Variants in ABL1 observed in about 807,000 individuals in gnomAD.
The protein encoded by ABL1 is ABL proto-oncogene 1, non-receptor tyrosine kinase.
A neutral mutation model predicts 94.7 loss-of-function variants in ABL1; 11 were observed. The observed-to-expected ratio is 0.12, with a 90% CI of 0.07 to 0.19. The LOEUF is 0.19. ABL1 is among the 10% of genes least tolerant of loss of function. The pLI is 1.00. For missense variants in ABL1, 1,082 were observed against 1,489.4 expected (o/e 0.73, Z 4.50); for synonymous variants, 656 against 622.4 (o/e 1.05, Z -0.80).
intron 3 of ABL1, among the ~76,000 whole-genome samples, chr9:130,861,080 TC>T (rs986852184): frequency 4.6e-4 from 70 of 152,272 alleles, no homozygotes; most frequent in African/African-American, 1.5e-3. Flanking sequence ...AGGCTTCTCT[TC>T]CGTGCTCTCA....
rs556948815 is a variant in ABL1, at chr9:130,858,443, T to G, written c.549+3347T>G. ...ATCACACTTCCCTTGGCGTCTTGCC[T>G]CCTCCCTCCCCGTCTGGCACAGACT... On this transcript the variant is annotated intron_variant, in intron 3 of 10. Coordinates refer to ENST00000318560, the MANE Select transcript of ABL1 (RefSeq NM_005157.6). Among the ~76,000 whole-genome samples the G allele has an allele frequency of 3.3e-5, 5 of 152,144 alleles. No individual in the cohort carries two copies. The East Asian group carries it at 9.7e-4, about 29-fold the overall frequency.
At chr9:130,831,856 C>A (rs1020122610), upstream of ABL1, among the ~76,000 whole-genome samples, 3 of 152,160 alleles carry the variant, frequency 2.0e-5, no homozygotes, top group African/African-American at 7.2e-5. Context: ...TGATCGCCCA[C>A]CTTAGCCTCC....
rs188516502 is a variant in ABL1, at chr9:130,804,499, G to A, written c.137-49565G>A. Among the ~76,000 whole-genome samples, 163 of 152,284 alleles carry A rather than the reference G, an allele frequency of 1.1e-3. 3 individuals carry two copies. The East Asian group carries it at 0.028, about 26-fold the overall frequency. ...CTTAGGAGGCTGAGGCAGGAGAATC[G>A]CTTGAACCCGGGAGGTGGAGGTTGC... is the stretch of plus-strand genomic sequence containing the variant. On this transcript the variant is annotated intron_variant, in intron 1 of 10. Transcript: ENST00000372348.
chr9:130,854,055 C>A lies in ABL1; in HGVS notation c.80-9C>A, dbSNP rs1311490108. ...TTTTCTTTTTTCTGTTCCCCCCTTT[C>A]TCTTCCAGAAGCCCTTCAGCGGCCA... On this transcript the variant is annotated splice_polypyrimidine_tract_variant and intron_variant, in intron 1 of 10. Coordinates refer to ENST00000318560, the MANE Select transcript of ABL1 (RefSeq NM_005157.6). 6 of 1,589,338 alleles carry A rather than the reference C, an allele frequency of 3.8e-6. No homozygotes were observed. The highest frequency in any genetic ancestry group is 4.3e-6 in the Non-Finnish European group (5 of 1,168,926).
intron 1 of ABL1, among the ~76,000 whole-genome samples, chr9:130,760,059 A>G (rs997187974): frequency 1.4e-5 from 2 of 140,204 alleles, no homozygotes; most frequent in Non-Finnish European, 3.0e-5. Flanking sequence ...CTCCCACTTC[A>G]GCCTCCTAAA....
intron 1 of ABL1, among the ~76,000 whole-genome samples, chr9:130,737,784 GC>G (rs1831763177): frequency 4.6e-5 from 7 of 151,358 alleles, no homozygotes; most frequent in Admixed American, 4.6e-4. Flanking sequence ...CCTACTGTTT[GC>G]CCCCTTTGCC....
At chr9:130,806,792 A>T (rs1176905476) in intron 1 of ABL1, among the ~76,000 whole-genome samples, 1 of 152,230 alleles carries the variant, frequency 6.6e-6, no homozygotes, top group Non-Finnish European at 1.5e-5. Context: ...TATTTTTTTA[A>T]CATAACAATA....
At chr9:130,851,281 T>G (rs565587936) in intron 1 of ABL1, among the ~76,000 whole-genome samples, 27 of 152,314 alleles carry the variant, frequency 1.8e-4, no homozygotes, top group African/African-American at 6.3e-4. Context: ...TCTTCTACAC[T>G]CTAGGAGATG....
At chr9:130,722,512 C>G (rs568788172) in intron 1 of ABL1, among the ~76,000 whole-genome samples, 2 of 152,214 alleles carry the variant, frequency 1.3e-5, no homozygotes, top group African/African-American at 4.8e-5. Context: ...ATTTTAGAGA[C>G]AGGGTCTTGC....
At chr9:130,829,279 G>A (rs180922451) in intron 1 of ABL1, among the ~76,000 whole-genome samples, 1 of 152,282 alleles carries the variant, frequency 6.6e-6, no homozygotes, top group African/African-American at 2.4e-5. Flanking sequence ...GTAGAACTGA[G>A]CCCGGGCACG....
intron 1 of ABL1, among the ~76,000 whole-genome samples, chr9:130,843,427 C>T (rs761472492): frequency 3.3e-5 from 5 of 152,136 alleles, no homozygotes; most frequent in Non-Finnish European, 7.4e-5. Context: ...GATGCCATGC[C>T]GTTGTTGCCC....
intron 1 of ABL1, among the ~76,000 whole-genome samples, chr9:130,827,163 C>T (rs951538805): frequency 4.6e-5 from 7 of 152,234 alleles, no homozygotes; most frequent in South Asian, 2.1e-4. Flanking sequence ...GGCCATTGGC[C>T]GAAAATAGTG....
At chr9:130,870,071 C>T (rs577199596) in intron 4 of ABL1, among the ~76,000 whole-genome samples, 371 of 152,304 alleles carry the variant, frequency 2.4e-3, no homozygotes, top group Non-Finnish European at 2.2e-3. Context: ...CCTTGGCCTC[C>T]CAAAGTGTTG....
intron 1 of ABL1, among the ~76,000 whole-genome samples, chr9:130,843,104 T>C (rs1830702411): frequency 6.6e-6 from 1 of 152,210 alleles, no homozygotes; most frequent in Admixed American, 6.5e-5. Flanking sequence ...GTTAACAGAT[T>C]ATTAAACTGC....
At chr9:130,859,247 C>G (rs1159902179) in intron 3 of ABL1, among the ~76,000 whole-genome samples, 1 of 152,208 alleles carries the variant, frequency 6.6e-6, no homozygotes. Flanking sequence ...TTAATAGAGT[C>G]TTTCCTTTTC....
In ABL1 at chr9:130,746,727, G is replaced by A. The variant is rs945628756; in HGVS notation, c.136+32272G>A. On this transcript the variant is annotated intron_variant, in intron 1 of 10. Coordinates refer to the ABL1 transcript ENST00000372348. ...TGCTTGGTGGGGCATTGGTGATTAC[G>A]AATAGAGTTTTAAGCATTTCTGTAC... is the stretch of plus-strand genomic sequence containing the variant. 3.3e-5 allele frequency among the ~76,000 whole-genome samples: 5 copies of A among 151,846 alleles called. No homozygotes were observed. In the South Asian group the frequency reaches 6.2e-4, roughly 19 times the overall value.
intron 1 of ABL1, among the ~76,000 whole-genome samples, chr9:130,790,661 A>G (rs1010660700): frequency 2.0e-5 from 3 of 151,348 alleles, no homozygotes; most frequent in Admixed American, 2.0e-4. Flanking sequence ...TTTTGTAGCA[A>G]CAGGGTCTCG....
At chr9:130,820,672 C>T (rs549453918) in intron 1 of ABL1, among the ~76,000 whole-genome samples, 18 of 152,306 alleles carry the variant, frequency 1.2e-4, no homozygotes, top group Non-Finnish European at 2.2e-4. Context: ...ACAACACGTA[C>T]AGCACAGTCT....
intron 1 of ABL1, among the ~76,000 whole-genome samples, chr9:130,745,981 G>T (rs935855272): frequency 6.6e-6 from 1 of 152,160 alleles, no homozygotes; most frequent in African/African-American, 2.4e-5. Context: ...TGTAGGAGCT[G>T]TTATCCCTTG....
Sources: allele counts gnomAD v4.1 joint callset (sites outside exome capture counted in the v4.1 genomes callset), GRCh38; gene constraint gnomAD v4.1.1; transcripts MANE v1.5; gene names NCBI Gene and HGNC (gene_info 2026-07-23, HGNC 2026-07-21).